The following DLGAP2 variants were observed in gnomAD, a reference collection of about 807,000 sequenced individuals.
DLGAP2 encodes the protein DLG associated protein 2, also known as disks large-associated protein 2.
In DLGAP2, 26 loss-of-function variants were observed where a neutral mutation model predicts 100.3. The ratio of observed to expected loss-of-function variants is 0.26; its 90% CI spans 0.19 to 0.36. The LOEUF (loss-of-function observed/expected upper bound fraction) is 0.36. Among genes scored for constraint, DLGAP2 ranks in the 10% least tolerant of loss-of-function variants. The pLI is 1.00. For synonymous variants in DLGAP2, 886 were observed against 630.1 expected, an observed-to-expected ratio of 1.41 and a Z score of -6.08; for missense variants, 1,858 against 1,453.2, an observed-to-expected ratio of 1.28 and a Z score of -4.53.
At chr8:994,014 T>G (rs1800711469) in intron 2 of DLGAP2, among the ~76,000 whole-genome samples, 1 of 152,112 alleles carries the variant, frequency 6.6e-6, no homozygotes. Context: ...ACTTTTGTAT[T>G]TACACTCTAG....
intron 2 of DLGAP2, among the ~76,000 whole-genome samples, chr8:1,185,065 C>A (rs1051589320): frequency 6.6e-6 from 1 of 152,034 alleles, no homozygotes; most frequent in Non-Finnish European, 1.5e-5. Context: ...CAGGAAAGGT[C>A]GGGCGAGGGT....
At chr8:1,456,386 TGTA>T (rs1798312808) in intron 3 of DLGAP2, among the ~76,000 whole-genome samples, 2 of 152,158 alleles carry the variant, frequency 1.3e-5, no homozygotes, top group Admixed American at 6.5e-5. Context: ...AATGGTGCCG[TGTA>T]TCTAAACATC....
chr8:1,217,459 A>G (rs769429021), intron 2 of DLGAP2, among the ~76,000 whole-genome samples: 1 of 152,144 alleles, frequency 6.6e-6, no homozygotes, highest in African/African-American at 2.4e-5. Context: ...TTTATATTCT[A>G]TTGGGTATAT....
chr8:1,247,460 T>C (rs866382906), intron 2 of DLGAP2, among the ~76,000 whole-genome samples: 57 of 99,242 alleles, frequency 5.7e-4, no homozygotes, highest in Non-Finnish European at 8.0e-4. Flanking sequence ...TTGAGATCAG[T>C]GTGGGAGTGA....
rs144341904 is a variant in DLGAP2 at position 1,361,869 on chromosome 8, G to A, written c.106+102986G>A. On this transcript the variant is annotated intron_variant, in intron 3 of 14. Coordinates refer to ENST00000637795, the MANE Select transcript of DLGAP2 (RefSeq NM_001346810.2). ...GTGCAGGCCTGAGCCCGGCTCCCAC[G>A]GTTTCATTTCCGCTGGTTCTGTGCT... Among the ~76,000 whole-genome samples, 94 of 152,296 alleles carry A rather than the reference G, an allele frequency of 6.2e-4. 1 individual carries two copies. Among genetic ancestry groups the A allele is most frequent in the East Asian group, 4.8e-3 (25 of 5,174 alleles).
chr8:1,590,635 C>G (rs1430177733), intron 6 of DLGAP2, among the ~76,000 whole-genome samples: 3 of 152,220 alleles, frequency 2.0e-5, no homozygotes, highest in Non-Finnish European at 4.4e-5. Context: ...AATGTGTACT[C>G]CACACTCTCA....
chr8:765,124 C>T (rs1821178942), intron 1 of DLGAP2, among the ~76,000 whole-genome samples: 1 of 152,094 alleles, frequency 6.6e-6, no homozygotes, highest in Non-Finnish European at 1.5e-5. Flanking sequence ...GGGTGGGGTG[C>T]CCGTCTCCAC....
chr8:1,626,996 A>G, intron 7 of DLGAP2, 109 bp downstream of exon 7: 1 of 1,377,366 alleles, frequency 7.3e-7, no homozygotes, highest in South Asian at 1.4e-5. Flanking sequence ...GGTCAGCAGC[A>G]CTTGGGCAAG....
chr8:1,411,787 G>C (rs1227339281), intron 3 of DLGAP2, among the ~76,000 whole-genome samples: 4 of 152,220 alleles, frequency 2.6e-5, no homozygotes, highest in East Asian at 1.9e-4. Context: ...TTTATGGAAA[G>C]CTGCGCATGA....
chr8:1,307,238 A>G (rs1206419894), intron 3 of DLGAP2, among the ~76,000 whole-genome samples: 1 of 152,216 alleles, frequency 6.6e-6, no homozygotes, highest in Non-Finnish European at 1.5e-5. Flanking sequence ...TATTTCTCCA[A>G]GAAGATTCAC....
At chr8:1,663,863 G>T (rs1217162898) in intron 8 of DLGAP2, among the ~76,000 whole-genome samples, 1 of 152,166 alleles carries the variant, frequency 6.6e-6, no homozygotes, top group Non-Finnish European at 1.5e-5. Context: ...TGCTGTTTCT[G>T]CCAGAAGGTA....
intron 1 of DLGAP2, among the ~76,000 whole-genome samples, chr8:752,835 C>G (rs1405709354): frequency 6.6e-6 from 1 of 152,112 alleles, no homozygotes; most frequent in Non-Finnish European, 1.5e-5. Context: ...ACGTCGGGCT[C>G]AGAGCCTCCC....
chr8:1,031,507 G>T (rs1801971633), intron 2 of DLGAP2, among the ~76,000 whole-genome samples: 1 of 152,034 alleles, frequency 6.6e-6, no homozygotes, highest in South Asian at 2.1e-4. Context: ...AACCTCCCGG[G>T]CTCAAGTGAT....
At chr8:1,275,404 G>A (rs764011566) in intron 3 of DLGAP2, among the ~76,000 whole-genome samples, 1 of 150,964 alleles carries the variant, frequency 6.6e-6, no homozygotes, top group Non-Finnish European at 1.5e-5. Flanking sequence ...AGATGCTGAA[G>A]GAGTGCTCAC....
At chr8:1,363,992 C>G (rs766654663) in intron 3 of DLGAP2, among the ~76,000 whole-genome samples, 10 of 152,212 alleles carry the variant, frequency 6.6e-5, no homozygotes, top group Non-Finnish European at 1.3e-4. Flanking sequence ...GCCCCTCATC[C>G]TCTGTCAGGT....
chr8:1,154,899 G>C (rs572958148), intron 2 of DLGAP2, among the ~76,000 whole-genome samples: 2 of 152,194 alleles, frequency 1.3e-5, no homozygotes, highest in East Asian at 1.9e-4. Flanking sequence ...TGGACGCGCA[G>C]TGTCCTCGGC....
At chr8:1,174,737 A>G (rs1347530797) in intron 2 of DLGAP2, among the ~76,000 whole-genome samples, 1 of 151,922 alleles carries the variant, frequency 6.6e-6, no homozygotes, top group Non-Finnish European at 1.5e-5. Flanking sequence ...ACCATGACCA[A>G]AATCATTATC....
chr8:1,678,456 C>T lies in DLGAP2; in HGVS notation c.2531C>T (p.Pro844Leu), dbSNP rs753377048. The stretch of plus-strand genomic sequence containing the variant: ...CAAGTGGACACCTCCACCCTGCCCC[C>T]TCCAGACCCCTGGCTGGAGCCCGCC... ...RTQVDTSTLP[P>L]PDPWLEPAID... Residue 844 changes from proline to leucine, a missense_variant, in exon 12 of 15, where the codon CCT (proline) becomes CTT (leucine). Physicochemically the swap from Pro to Leu is moderately conservative, Grantham distance 98. Coordinates refer to ENST00000637795, the MANE Select transcript of DLGAP2 (RefSeq NM_001346810.2). 4.3e-6 allele frequency: 7 copies of T among 1,613,414 alleles called. No individual in the cohort carries two copies. In the Admixed American group the frequency reaches 1.2e-4, roughly 27 times the overall value.
chr8:1,033,324 A>G (rs1802025772), intron 2 of DLGAP2, among the ~76,000 whole-genome samples: 1 of 152,210 alleles, frequency 6.6e-6, no homozygotes, highest in Non-Finnish European at 1.5e-5. Context: ...AGAGCTTCTT[A>G]TCTCTGTCTC....
Sources: allele counts gnomAD v4.1 joint callset (sites outside exome capture counted in the v4.1 genomes callset), GRCh38; gene constraint gnomAD v4.1.1; transcripts MANE v1.5; gene names NCBI Gene and HGNC (gene_info 2026-07-23, HGNC 2026-07-21).